FRMD4A: variants seen among roughly 807,000 people sequenced by gnomAD.
FRMD4A encodes the protein FERM domain-containing protein 4A.
Under a neutral mutation model 129.1 loss-of-function variants are expected in FRMD4A, and 29 were observed. The observed-to-expected ratio is 0.22, with a 90% CI of 0.17 to 0.31. FRMD4A has a LOEUF of 0.31. Among genes scored for constraint, FRMD4A ranks in the 10% least tolerant of loss-of-function variants. The pLI is 1.00. For missense variants in FRMD4A, 1,272 were observed against 1,375.8 expected (o/e 0.92, Z 1.19); for synonymous variants, 634 against 571.6 (o/e 1.11, Z -1.56).
chr10:14,220,439 C>A (rs7906363), intron 2 of FRMD4A, among the ~76,000 whole-genome samples: 48,443 of 152,064 alleles, frequency 0.32, 7,823 homozygotes, highest in Admixed American at 0.36. Flanking sequence ...GGTGATGTTC[C>A]CCATTAGTCA....
chr10:13,784,727 A>G (rs909349205), intron 5 of FRMD4A, among the ~76,000 whole-genome samples: 1 of 152,156 alleles, frequency 6.6e-6, no homozygotes, highest in Admixed American at 6.5e-5. Context: ...GGTGGCTCAC[A>G]CCTGTCATCC....
chr10:14,116,897 T>C (rs1838227780), intron 2 of FRMD4A, among the ~76,000 whole-genome samples: 2 of 152,184 alleles, frequency 1.3e-5, no homozygotes, highest in African/African-American at 4.8e-5. Context: ...GTGCTGAAAT[T>C]TACTTGTGCT....
chr10:13,651,449 G>C (rs2081574151), intron 24 of FRMD4A: 4 of 159,116 alleles, frequency 2.5e-5, no homozygotes. Flanking sequence ...TATACTTTGG[G>C]GCCAGGCGCA....
intron 2 of FRMD4A, among the ~76,000 whole-genome samples, chr10:13,978,051 A>T (rs2095548173): frequency 6.6e-6 from 1 of 152,126 alleles, no homozygotes. Flanking sequence ...TCTTTGTTGA[A>T]CCATTTGAGG....
intron 2 of FRMD4A, among the ~76,000 whole-genome samples, chr10:14,154,676 G>T (rs1445362067): frequency 6.6e-6 from 1 of 152,140 alleles, no homozygotes; most frequent in African/African-American, 2.4e-5. Flanking sequence ...AAATGAAATT[G>T]CAGTTTTTAG....
rs79635399 is a variant in FRMD4A, at chr10:14,283,969, T to C, written c.45+46089A>G. On this transcript the variant is annotated intron_variant, in intron 2 of 24. Coordinates refer to ENST00000357447, the MANE Select transcript of FRMD4A (RefSeq NM_018027.5). ...AATTTGCTAATGAGGAAATCGATAC[T>C]TGAAGAGGTAAGTAACTTGCTCACG... Among the ~76,000 whole-genome samples the C allele has an allele frequency of 1.1e-3, 174 of 151,580 alleles. 1 individual carries two copies. The highest frequency in any genetic ancestry group is 3.9e-3 in the African/African-American group (164 of 41,538).
chr10:14,009,361 G>C lies in FRMD4A; in HGVS notation c.46-150449C>G, dbSNP rs561725780. Among the ~76,000 whole-genome samples the C allele has an allele frequency of 2.6e-5, 4 of 151,790 alleles. No homozygotes were observed. In the South Asian group the frequency reaches 8.3e-4, roughly 32 times the overall value. ...AAGCATTTCTACATACACTGCTTCT[G>C]TCTGTTCTGAGTTTTATGAAAGGGA... On this transcript the variant is annotated intron_variant, in intron 2 of 24. Transcript: ENST00000357447.
intron 4 of FRMD4A, among the ~76,000 whole-genome samples, chr10:13,797,263 C>T (rs1356169889): frequency 1.3e-5 from 2 of 152,210 alleles, no homozygotes; most frequent in Non-Finnish European, 2.9e-5. Flanking sequence ...GGACTGAAAG[C>T]ACACTTGAAA....
chr10:13,736,536 G>A (rs535275408), intron 12 of FRMD4A, among the ~76,000 whole-genome samples: 2 of 152,306 alleles, frequency 1.3e-5, no homozygotes, highest in South Asian at 4.1e-4. Context: ...CCACCTTACT[G>A]ATCAATGGAG....
intron 14 of FRMD4A, among the ~76,000 whole-genome samples, chr10:13,696,914 C>A (rs753167285): frequency 6.6e-6 from 1 of 152,144 alleles, no homozygotes; most frequent in Non-Finnish European, 1.5e-5. Context: ...TAAAGGCCAT[C>A]GTAATAAGAA....
chr10:14,038,843 G>T (rs1490097471), intron 2 of FRMD4A, among the ~76,000 whole-genome samples: 2 of 152,092 alleles, frequency 1.3e-5, no homozygotes, highest in Admixed American at 1.3e-4. Context: ...TGTCTGATTG[G>T]CGCCTCTGTT....
intron 24 of FRMD4A, among the ~76,000 whole-genome samples, chr10:13,648,393 G>C (rs1481294100): frequency 1.3e-5 from 2 of 152,144 alleles, no homozygotes; most frequent in African/African-American, 4.8e-5. Flanking sequence ...AGGTGGTTGG[G>C]CCTTGCAGGG....
At chr10:13,730,859 C>CAAAAAAAAAAAAA (rs10639026) in intron 12 of FRMD4A, among the ~76,000 whole-genome samples, 32 of 90,798 alleles carry the variant, frequency 3.5e-4, no homozygotes, top group African/African-American at 5.4e-4. Flanking sequence ...ACTAAAAATA[C>CAAAAAAAAAAAAA]AAAAAAAAAA....
chr10:13,912,520 ATTTTTTTTTTT>A (rs57865883), intron 2 of FRMD4A, among the ~76,000 whole-genome samples: 1 of 126,212 alleles, frequency 7.9e-6, no homozygotes, highest in Non-Finnish European at 1.7e-5. Flanking sequence ...ACATAATAGA[ATTTTTTTTTTT>A]TTTTTTTTTT....
intron 2 of FRMD4A, among the ~76,000 whole-genome samples, chr10:14,063,232 A>G (rs1030832425): frequency 6.6e-6 from 1 of 151,658 alleles, no homozygotes; most frequent in African/African-American, 2.4e-5. Context: ...TCAGACTCCC[A>G]GAAGTTATGT....
intron 2 of FRMD4A, among the ~76,000 whole-genome samples, chr10:14,031,872 GA>G (rs1169458597): frequency 1.4e-5 from 2 of 146,880 alleles, no homozygotes; most frequent in Non-Finnish European, 3.0e-5. Context: ...CTCTGACTTA[GA>G]TTTTTTTTTT....
At chr10:13,848,077 GTT>G (rs2094079722) in intron 3 of FRMD4A, among the ~76,000 whole-genome samples, 1 of 152,020 alleles carries the variant, frequency 6.6e-6, no homozygotes, top group South Asian at 2.1e-4. Flanking sequence ...TGTGAGTTGA[GTT>G]TGTTTTAATC....
chr10:13,858,817 A>C (rs2094250228), intron 3 of FRMD4A, 30 bp downstream of exon 3: 1 of 1,341,866 alleles, frequency 7.5e-7, no homozygotes, highest in Admixed American at 1.7e-5. Context: ...TCACCAAAGA[A>C]ACTCAGAAAG....
chr10:14,027,754 G>A (rs1296860841), intron 2 of FRMD4A, among the ~76,000 whole-genome samples: 2 of 152,230 alleles, frequency 1.3e-5, no homozygotes, highest in African/African-American at 4.8e-5. Context: ...CTCTAGCACT[G>A]GGGCTCTAGA....
Sources: allele counts gnomAD v4.1 joint callset (sites outside exome capture counted in the v4.1 genomes callset), GRCh38; gene constraint gnomAD v4.1.1; transcripts MANE v1.5; gene names NCBI Gene and HGNC (gene_info 2026-07-23, HGNC 2026-07-21).